UST: variants seen among roughly 807,000 people sequenced by gnomAD.
The protein encoded by UST is chondroitin sulfate 2-O-sulfotransferase.
UST carries 21 observed loss-of-function variants against 45.6 expected under a neutral mutation model. The observed-to-expected ratio is 0.46, with a 90% confidence interval of 0.33 to 0.66. The LOEUF (loss-of-function observed/expected upper bound fraction) is 0.66, where lower values mean the gene tolerates loss of function less well. Among genes scored for constraint, UST ranks in the 30% least tolerant of loss-of-function variants. The pLI, the probability that UST is intolerant of heterozygous loss-of-function variation, is 0.02. For synonymous variants in UST, 215 were observed against 200.6 expected (o/e 1.07, Z -0.61); for missense variants, 463 against 512.4 (o/e 0.90, Z 0.93).
At chr6:149,008,751 C>G (rs1028857195) in intron 5 of UST, among the ~76,000 whole-genome samples, 8 of 152,174 alleles carry the variant, frequency 5.3e-5, no homozygotes, top group Non-Finnish European at 1.0e-4. Context: ...TATTTCATCC[C>G]TACCTGGGAA....
At chr6:149,036,010 G>T (rs1409385511) in intron 7 of UST, among the ~76,000 whole-genome samples, 2 of 152,196 alleles carry the variant, frequency 1.3e-5, no homozygotes, top group East Asian at 3.8e-4. Context: ...GCATGCAACT[G>T]GTTGCTGGTG....
At chr6:148,868,281 TG>T (rs1778484007) in intron 1 of UST, among the ~76,000 whole-genome samples, 2 of 152,228 alleles carry the variant, frequency 1.3e-5, no homozygotes, top group African/African-American at 4.8e-5. Context: ...TAAGTAGGCT[TG>T]GATATATTTG....
chr6:148,932,537 T>G (rs1395128650), intron 2 of UST, among the ~76,000 whole-genome samples: 1 of 152,240 alleles, frequency 6.6e-6, no homozygotes, highest in Non-Finnish European at 1.5e-5. Context: ...TTCATATTTG[T>G]TAATTTGAAA....
intron 1 of UST, among the ~76,000 whole-genome samples, chr6:148,774,793 C>T (rs1342696333): frequency 3.3e-5 from 5 of 152,078 alleles, no homozygotes; most frequent in African/African-American, 1.2e-4. Flanking sequence ...CCAAGGTGGG[C>T]GGATCACCTG....
At chr6:148,791,016 T>C (rs1245075962) in intron 1 of UST, among the ~76,000 whole-genome samples, 1 of 152,234 alleles carries the variant, frequency 6.6e-6, no homozygotes, top group Non-Finnish European at 1.5e-5. Context: ...GGGTTACAGT[T>C]CGCTGACTAC....
At chr6:148,784,700 A>T (rs909267167) in intron 1 of UST, among the ~76,000 whole-genome samples, 2 of 152,230 alleles carry the variant, frequency 1.3e-5, no homozygotes, top group African/African-American at 4.8e-5. Flanking sequence ...ATATGATAAA[A>T]GCTCAGTAAA....
chr6:148,917,742 A>T (rs1342725504), intron 2 of UST, among the ~76,000 whole-genome samples: 1 of 152,216 alleles, frequency 6.6e-6, no homozygotes, highest in East Asian at 1.9e-4. Flanking sequence ...GGCATCTCCC[A>T]CAGGGGATGT....
intron 1 of UST, among the ~76,000 whole-genome samples, chr6:148,874,568 C>T (rs537074516): frequency 8.5e-5 from 13 of 152,102 alleles, no homozygotes; most frequent in African/African-American, 3.1e-4. Context: ...CTTTGTTAAC[C>T]GGTTGGGTGA....
intron 1 of UST, among the ~76,000 whole-genome samples, chr6:148,886,069 C>T (rs1027783226): frequency 6.6e-6 from 1 of 152,184 alleles, no homozygotes; most frequent in Non-Finnish European, 1.5e-5. Flanking sequence ...TCAGATGTCT[C>T]CAGATGGTAA....
In UST at chr6:149,076,101, G is replaced by A. The variant is rs931383818; in HGVS notation, c.*1985G>A. The A allele has an allele frequency of 6.6e-5, 10 of 152,554 alleles. No homozygotes were observed. Among genetic ancestry groups the A allele is most frequent in the African/African-American group, 2.4e-4 (10 of 41,426 alleles). The allele number at this position is 152,554 out of a possible 1,614,324, so 9.5% of individuals were successfully genotyped here. On this transcript the variant is annotated 3_prime_UTR_variant, in exon 8 of 8. Transcript: ENST00000367463. ...GCCTTCTTTCTGCCTCAGAGGACGG[G>A]GGCAGAGAAGTGATGAAGGGAAATG...
At chr6:148,826,144 C>T (rs1451153268) in intron 1 of UST, among the ~76,000 whole-genome samples, 1 of 152,170 alleles carries the variant, frequency 6.6e-6, no homozygotes, top group Non-Finnish European at 1.5e-5. Context: ...TGGAGCCTTG[C>T]ACTCTGTCAC....
intron 5 of UST, among the ~76,000 whole-genome samples, chr6:148,981,148 T>G (rs775462340): frequency 2.6e-5 from 4 of 152,242 alleles, no homozygotes; most frequent in Non-Finnish European, 5.9e-5. Flanking sequence ...GTTGCCCATG[T>G]GCTTTACACC....
chr6:149,042,676 C>A (rs1776331679), intron 7 of UST, among the ~76,000 whole-genome samples: 1 of 152,252 alleles, frequency 6.6e-6, no homozygotes, highest in Non-Finnish European at 1.5e-5. Context: ...TACTTTTCCT[C>A]CTCCCCACAA....
chr6:148,795,706 C>T (rs1420837417), intron 1 of UST, among the ~76,000 whole-genome samples: 1 of 152,140 alleles, frequency 6.6e-6, no homozygotes, highest in Non-Finnish European at 1.5e-5. Flanking sequence ...AATCTTCCAT[C>T]TTTGCTGAGA....
intron 1 of UST, among the ~76,000 whole-genome samples, chr6:148,808,092 A>G (rs1777185294): frequency 6.6e-6 from 1 of 152,142 alleles, no homozygotes; most frequent in African/African-American, 2.4e-5. Flanking sequence ...AAGACATCCA[A>G]GGACAGGCAC....
At chr6:148,762,692 C>T (rs1225124898) in intron 1 of UST, among the ~76,000 whole-genome samples, 1 of 152,046 alleles carries the variant, frequency 6.6e-6, no homozygotes, top group Non-Finnish European at 1.5e-5. Flanking sequence ...AGCCTTTTCT[C>T]CCTCCCTGCT....
intron 1 of UST, among the ~76,000 whole-genome samples, chr6:148,766,390 G>A (rs530116685): frequency 2.0e-5 from 3 of 150,132 alleles, no homozygotes; most frequent in Admixed American, 1.3e-4. Context: ...TCTCACCCAC[G>A]CACCCACTTG....
chr6:148,785,217 G>T (rs1203227050), intron 1 of UST, among the ~76,000 whole-genome samples: 3 of 148,434 alleles, frequency 2.0e-5, no homozygotes, highest in African/African-American at 7.5e-5. Flanking sequence ...AAAAAAAAAA[G>T]CATACATGCA....
chr6:149,020,497 T>C (rs1775962360), intron 6 of UST, among the ~76,000 whole-genome samples: 1 of 152,240 alleles, frequency 6.6e-6, no homozygotes, highest in Non-Finnish European at 1.5e-5. Context: ...TTGAATTTTC[T>C]AATCTTGGAG....
Sources: allele counts gnomAD v4.1 joint callset (sites outside exome capture counted in the v4.1 genomes callset), GRCh38; gene constraint gnomAD v4.1.1; transcripts MANE v1.5; gene names NCBI Gene and HGNC (gene_info 2026-07-23, HGNC 2026-07-21).